UNC45B: variants seen among roughly 807,000 people sequenced by gnomAD.
UNC45B encodes unc-45 myosin chaperone B, also known as protein unc-45 homolog B.
Under a neutral mutation model 98.7 loss-of-function variants are expected in UNC45B, and 78 were observed. The ratio of observed to expected loss-of-function variants is 0.79; its 90% CI spans 0.66 to 0.95. UNC45B has a LOEUF of 0.95. Among genes scored for constraint, UNC45B ranks in the 40% least tolerant of loss-of-function variants. UNC45B has a pLI of 0.00. For missense variants in UNC45B, 1,225 were observed against 1,184.9 expected (o/e 1.03, Z -0.50); for synonymous variants, 462 against 480.4 (o/e 0.96, Z 0.50).
At position 35,168,323 on chromosome 17, in the gene UNC45B, AC is replaced by A; in HGVS notation, c.1416del (p.Thr473ProfsTer51). On this transcript the variant is annotated frameshift_variant, in exon 10 of 20. Coordinates refer to ENST00000394570, the MANE Select transcript of UNC45B (RefSeq NM_001267052.2). LOFTEE classifies it high-confidence loss of function. ...GTCACTGCTCAAACAGATCTACAAG[AC>A]CACCAAAAATGAGAAGATCAAGATC... ...GVSLLKQIYKTTKNEKIKIRT... is the reference protein window; with the variant it reads ...GVSLLKQIYKXTKNEKIKIRT... 7.2e-7 allele frequency: 1 copy of A among 1,381,952 alleles called. No homozygotes were observed. The highest frequency in any genetic ancestry group is 9.5e-7 in the Non-Finnish European group (1 of 1,057,290). 85.6% of individuals were successfully genotyped at this position (1,381,952 alleles called of 1,614,324 possible).
rs756617612 is a variant in UNC45B, at chr17:35,186,539, T to G, written c.2770T>G (p.Phe924Val). The change falls in exon 20 of 20, where the codon TTC becomes GTC. Residue 924 changes from phenylalanine (F) to valine (V), a missense_variant. Transcript: ENST00000394570. ...TCTCATCAAGTGCATGGATTATGGTTTCATTAAACCAGTGTCTTAGACAGC... is the reference window on the plus strand; with the variant it reads ...TCTCATCAAGTGCATGGATTATGGTGTCATTAAACCAGTGTCTTAGACAGC... ...ECLIKCMDYG[F>V]IKPVS 3 of 1,614,178 alleles carry G rather than the reference T, an allele frequency of 1.9e-6. No homozygotes were observed. Among genetic ancestry groups the G allele is most frequent in the Non-Finnish European group, 2.5e-6 (3 of 1,180,010 alleles).
At position 35,183,469 on chromosome 17, in the gene UNC45B, C is replaced by A; in HGVS notation, c.2416C>A (p.Leu806Met). The A allele has an allele frequency of 6.2e-7, 1 of 1,602,270 alleles. No homozygotes were observed. The highest frequency in any genetic ancestry group is 1.1e-5 in the South Asian group (1 of 89,398). ...GGCTGACGGGAATGACCGGCTGAAG[C>A]TGGTGGTGCTGCTCTGCGGGGAGGA... ...FLADGNDRLKLVVLLCGEDDD... is the reference protein window; with the variant it reads ...FLADGNDRLKMVVLLCGEDDD... The change falls in exon 19 of 20, where the codon CTG becomes ATG. Residue 806 changes from leucine to methionine, a missense_variant. Coordinates refer to ENST00000394570, the MANE Select transcript of UNC45B (RefSeq NM_001267052.2).
chr17:35,164,349 T>A, intron 9 of UNC45B, 183 bp downstream of exon 9: 5 of 610,734 alleles, frequency 8.2e-6, no homozygotes, highest in Non-Finnish European at 1.0e-5. Context: ...GTTACAGTCA[T>A]ATGCTGGCTG....
intron 17 of UNC45B, among the ~76,000 whole-genome samples, chr17:35,178,866 T>C (rs2092254177): frequency 6.6e-6 from 1 of 152,210 alleles, no homozygotes; most frequent in Admixed American, 6.5e-5. Flanking sequence ...TGGTGTTATT[T>C]CTGAGGCCTC....
intron 3 of UNC45B, 38 bp from the exon 4 acceptor site, chr17:35,150,010 G>A: frequency 6.5e-7 from 1 of 1,537,998 alleles, no homozygotes; most frequent in Non-Finnish European, 8.7e-7. Flanking sequence ...CTGTAGTCTG[G>A]CTCCCTAAGG....
chr17:35,164,039 C>T lies in UNC45B; in HGVS notation c.1024C>T (p.Pro342Ser). ...LKVVGQVPDLPSCLPLTDNTR... is the reference protein window; with the variant it reads ...LKVVGQVPDLSSCLPLTDNTR... The stretch of plus-strand genomic sequence containing the variant: ...GGTTGTGGGGCAGGTTCCAGATCTG[C>T]CATCCTGCCTGCCCCTGACTGACAA... The change falls in exon 9 of 20, where the codon CCA (proline) becomes TCA (serine). Residue 342 changes from proline to serine, a missense_variant. Physicochemically the swap from Pro to Ser is moderately conservative, Grantham distance 74. Coordinates refer to ENST00000394570, the MANE Select transcript of UNC45B (RefSeq NM_001267052.2). 1.2e-6 allele frequency: 2 copies of T among 1,613,946 alleles called. No homozygotes were observed. The highest frequency in any genetic ancestry group is 1.7e-6 in the Non-Finnish European group (2 of 1,179,926).
rs777319850 is a variant in UNC45B at position 35,150,053 on chromosome 17, G to A, written c.211G>A (p.Asp71Asn). Residue 71 changes from aspartate to asparagine, a missense_variant, in exon 4 of 20, where the codon GAC becomes AAC. Coordinates refer to ENST00000394570, the MANE Select transcript of UNC45B (RefSeq NM_001267052.2). ...QAASDASRAI[D>N]INSSDIKALY... ...CCCCCGTCTCCCCTCGATAGCCATC[G>A]ACATCAACTCCTCGGACATCAAGGC... The A allele has an allele frequency of 2.5e-6, 4 of 1,602,428 alleles. No homozygotes were observed. The highest frequency in any genetic ancestry group is 1.3e-5 in the African/African-American group (1 of 74,610).
At position 35,186,310 on chromosome 17, in the gene UNC45B, G is replaced by A. The variant is rs2092303374; in HGVS notation, c.2541G>A (p.Trp847Ter). Reference protein sequence around the residue: ...CLKMTQVTTQWLEILQRLCLH... With the variant: ...CLKMTQVTTQ ...TTCCCTGCCTCCAGACAACCCAGTG[G>A]TTGGAGATCCTCCAGCGGCTTTGCC... is the stretch of plus-strand genomic sequence containing the variant. Residue 847 changes from tryptophan (W) to a stop codon, truncating the protein, a stop_gained, in exon 20 of 20, where the codon TGG (tryptophan) becomes TGA (stop). Coordinates refer to ENST00000394570, the MANE Select transcript of UNC45B (RefSeq NM_001267052.2). LOFTEE classifies it high-confidence loss of function. 1 of 1,613,858 alleles carries A rather than the reference G, an allele frequency of 6.2e-7. No homozygotes were observed. The highest frequency in any genetic ancestry group is 8.5e-7 in the Non-Finnish European group (1 of 1,180,032).
intron 17 of UNC45B, among the ~76,000 whole-genome samples, chr17:35,180,266 G>GAGAGAGAT (rs2092264345): frequency 6.6e-6 from 1 of 151,678 alleles, no homozygotes. Context: ...GAGAGAGAGA[G>GAGAGAGAT]AGAGAGAGAG....
At chr17:35,164,705 A>G (rs967388018) in intron 9 of UNC45B, 1 of 152,158 alleles carries the variant, frequency 6.6e-6, no homozygotes, top group Admixed American at 6.6e-5. Context: ...GGGTGTCAAC[A>G]TATTTTTGGA....
At chr17:35,148,582 C>G (rs1427158597) in intron 2 of UNC45B, 151 bp downstream of exon 2, 1 of 900,908 alleles carries the variant, frequency 1.1e-6, no homozygotes, top group African/African-American at 1.7e-5. Flanking sequence ...AACCCCCTGA[C>G]CCATGCCCCG....
At chr17:35,155,694 C>T (rs1213455654) in intron 7 of UNC45B, among the ~76,000 whole-genome samples, 2 of 152,110 alleles carry the variant, frequency 1.3e-5, no homozygotes, top group East Asian at 1.9e-4. Context: ...CTCAGCCTCC[C>T]GAGTATCTGG....
chr17:35,180,627 T>C lies in UNC45B; in HGVS notation c.2324T>C (p.Leu775Pro), dbSNP rs766976576. 1.9e-6 allele frequency: 3 copies of C among 1,613,282 alleles called. No individual in the cohort carries two copies. Among genetic ancestry groups the C allele is most frequent in the South Asian group, 2.2e-5 (2 of 90,988 alleles). ...ENYMFENHDQ[L>P]RQAATECMCN... Reference sequence around the variant, plus strand: ...TACATGTTTGAGAATCATGATCAGCTGCGGCAGGCGGCCACCGAGTGCATG... The same window carrying C: ...TACATGTTTGAGAATCATGATCAGCCGCGGCAGGCGGCCACCGAGTGCATG... Residue 775 changes from leucine to proline, a missense_variant, in exon 18 of 20, where the codon CTG (leucine) becomes CCG (proline). Leu to Pro is a moderately conservative substitution (Grantham distance 98, BLOSUM62 -3). Coordinates refer to ENST00000394570, the MANE Select transcript of UNC45B (RefSeq NM_001267052.2).
At chr17:35,149,971 C>T in intron 3 of UNC45B, 77 bp from the exon 4 acceptor site, 2 of 1,431,142 alleles carry the variant, frequency 1.4e-6, no homozygotes, top group Non-Finnish European at 1.9e-6. Context: ...GAGCATGCTT[C>T]CTGGAGTTGG....
Position 35,171,476 on chromosome 17 carries a change from C to T in UNC45B, c.1830+14C>T, listed in dbSNP as rs748186616. The T allele has an allele frequency of 3.7e-5, 60 of 1,613,020 alleles. No individual in the cohort carries two copies. Among genetic ancestry groups the T allele is most frequent in the Admixed American group, 5.0e-5 (3 of 59,940 alleles). ...GAACACCCCAAGGTAGGGTCAGGCGCGACCCGGGAGGGGTCTGGTCTGTGC... is the reference window on the plus strand; with the variant it reads ...GAACACCCCAAGGTAGGGTCAGGCGTGACCCGGGAGGGGTCTGGTCTGTGC... On this transcript the variant is annotated intron_variant, in intron 13 of 19. Coordinates refer to ENST00000394570, the MANE Select transcript of UNC45B (RefSeq NM_001267052.2).
At position 35,148,398 on chromosome 17, in the gene UNC45B, T is replaced by G. The variant is rs769759810; in HGVS notation, c.135T>G (p.Leu45=). 13 of 1,613,814 alleles carry G rather than the reference T, an allele frequency of 8.1e-6. No homozygotes were observed. The highest frequency in any genetic ancestry group is 1.1e-5 in the Non-Finnish European group (13 of 1,179,996). ...LTKDKALLAT[L]YRNRAACGLK... ...AGGACAAGGCCCTGCTGGCCACGCT[T>G]TATCGGAACCGGGCAGCCTGTGGCC... Residue 45 remains leucine (L), a synonymous_variant, in exon 2 of 20, where the codon CTT becomes CTG. Coordinates refer to ENST00000394570, the MANE Select transcript of UNC45B (RefSeq NM_001267052.2).
At position 35,155,419 on chromosome 17, in the gene UNC45B, G is replaced by T. The variant is rs746446715; in HGVS notation, c.763G>T (p.Glu255Ter). The T allele has an allele frequency of 1.2e-6, 2 of 1,614,204 alleles. No individual in the cohort carries two copies. The highest frequency in any genetic ancestry group is 2.2e-5 in the South Asian group (2 of 91,080). Residue 255 changes from glutamate to a stop codon, truncating the protein, a stop_gained, in exon 7 of 20, where the codon GAG (glutamate) becomes TAG (stop). Coordinates refer to ENST00000394570, the MANE Select transcript of UNC45B (RefSeq NM_001267052.2). LOFTEE classifies it high-confidence loss of function. ...LQAIIDSLSGEDKREHRGKEE... is the reference protein window; with the variant it reads ...LQAIIDSLSG ...AGCCATCATTGACTCCTTGTCTGGG[G>T]AGGACAAGCGGGAGCATCGAGGGAA...
rs371124468 is a variant in UNC45B at position 35,168,400 on chromosome 17, G to T, written c.1452+39G>T. 3.1e-6 allele frequency: 4 copies of T among 1,310,480 alleles called. No individual in the cohort carries two copies. The African/African-American group carries it at 4.5e-5, about 15-fold the overall frequency. The allele number at this position is 1,310,480 out of a possible 1,614,324, so 81.2% of individuals were successfully genotyped here. A position where few individuals can be genotyped will look rare whatever the true frequency, so the allele number is the denominator to read the frequency against. On this transcript the variant is annotated intron_variant, in intron 10 of 19. Coordinates refer to ENST00000394570, the MANE Select transcript of UNC45B (RefSeq NM_001267052.2). ...GTACCACCCTCCTACTCAGTACAAGGTGCCATGCCAGGCACCAGGGACACC... is the reference window on the plus strand; with the variant it reads ...GTACCACCCTCCTACTCAGTACAAGTTGCCATGCCAGGCACCAGGGACACC...
In UNC45B at chr17:35,186,663, C is replaced by G. The variant is rs1412358145; in HGVS notation, c.*104C>G. The G allele has an allele frequency of 7.6e-7, 1 of 1,314,632 alleles. No homozygotes were observed. Among genetic ancestry groups the G allele is most frequent in the Non-Finnish European group, 1.0e-6 (1 of 953,724 alleles). The allele number at this position is 1,314,632 out of a possible 1,614,324, so 81.4% of individuals were successfully genotyped here. A position where few individuals can be genotyped will look rare whatever the true frequency, so the allele number is the denominator to read the frequency against. ...GGTCATCTAGGGATCATAGCAGTGA[C>G]AATGAAGTCTCAATATAAAGGAAAG... On this transcript the variant is annotated 3_prime_UTR_variant, in exon 20 of 20. Transcript: ENST00000394570.
Sources: gnomAD v4.1 joint callset for allele counts (sites outside exome capture counted in the v4.1 genomes callset) on GRCh38, gnomAD v4.1.1 for gene constraint, MANE v1.5 for transcripts, NCBI Gene and HGNC (gene_info 2026-07-23, HGNC 2026-07-21) for gene names.